The following HUNK variants were observed in gnomAD, a reference collection of about 807,000 sequenced individuals.
HUNK encodes the protein hormonally up-regulated Neu-associated kinase.
Under a neutral mutation model 61.0 loss-of-function variants are expected in HUNK, and 21 were observed. The observed-to-expected ratio is 0.34, with a 90% CI of 0.24 to 0.50. HUNK has a LOEUF of 0.50. Ranked by LOEUF, HUNK falls within the 20% of genes least tolerant of loss-of-function variation. The probability of loss-of-function intolerance (pLI) is 0.98; values close to 1 mark genes in which losing one functional copy is unlikely to be tolerated. For synonymous variants in HUNK, 371 were observed against 386.1 expected (o/e 0.96, Z 0.46); for missense variants, 772 against 945.7 (o/e 0.82, Z 2.41).
At chr21:31,987,977 G>A (rs951859094) in intron 8 of HUNK, among the ~76,000 whole-genome samples, 2 of 152,142 alleles carry the variant, frequency 1.3e-5, no homozygotes, top group African/African-American at 4.8e-5. Context: ...CCCGTGTCCC[G>A]GGCACTGAGT....
At chr21:31,985,481 T>G (rs1035398791) in intron 8 of HUNK, among the ~76,000 whole-genome samples, 13 of 152,112 alleles carry the variant, frequency 8.5e-5, no homozygotes, top group Non-Finnish European at 1.9e-4. Context: ...TGTGCGAATG[T>G]GATGGGAGCT....
chr21:31,947,658 T>A (rs1028210077), intron 4 of HUNK, among the ~76,000 whole-genome samples: 2 of 152,130 alleles, frequency 1.3e-5, no homozygotes, highest in African/African-American at 4.8e-5. Flanking sequence ...ACAATAAATA[T>A]TTGGAGGATG....
chr21:32,000,393 G>A lies in HUNK; in HGVS notation c.*1209G>A, dbSNP rs774039752. ...GTTGTGTTTTCACACCTTTCTCCAA[G>A]GATCGAACCAAAGATGTGTCTCCAG... On this transcript the variant is annotated 3_prime_UTR_variant, in exon 11 of 11. Coordinates refer to ENST00000270112, the MANE Select transcript of HUNK (RefSeq NM_014586.2). 1 of 399,122 alleles carries A rather than the reference G, an allele frequency of 2.5e-6. No individual in the cohort carries two copies. The highest frequency in any genetic ancestry group is 4.4e-6 in the Non-Finnish European group (1 of 226,122). 24.7% of individuals were successfully genotyped at this position (399,122 alleles called of 1,614,324 possible).
intron 1 of HUNK, among the ~76,000 whole-genome samples, chr21:31,905,335 G>C (rs1442835301): frequency 2.0e-5 from 3 of 152,182 alleles, no homozygotes; most frequent in Non-Finnish European, 4.4e-5. Context: ...CTTGATCTCA[G>C]ACTTGTATCC....
At position 31,873,929 on chromosome 21, in the gene HUNK, G is replaced by A. The variant is rs1479485781; in HGVS notation, c.255G>A (p.Gly85=). Residue 85 remains glycine (G), a synonymous_variant, in exon 1 of 11, where the codon GGG becomes GGA. Coordinates refer to ENST00000270112, the MANE Select transcript of HUNK (RefSeq NM_014586.2). The surrounding 1 kb of genome is among the most constrained non-coding windows in gnomAD (Gnocchi z 6.1). ...KVREGLHVLT[G]EKVAIKVIDK... ...GCGAGGGGCTGCACGTGCTGACCGG[G>A]GAGAAGGTGAGTCTCCCGGGCGCCG... is the stretch of plus-strand genomic sequence containing the variant. The A allele has an allele frequency of 2.6e-6, 4 of 1,543,384 alleles. No homozygotes were observed. In the African/African-American group the frequency reaches 4.2e-5, roughly 16 times the overall value.
At chr21:31,901,855 T>C (rs1221667344) in intron 1 of HUNK, among the ~76,000 whole-genome samples, 1 of 152,154 alleles carries the variant, frequency 6.6e-6, no homozygotes, top group African/African-American at 2.4e-5. Flanking sequence ...GTGTTCACAA[T>C]GATCAAATAA....
intron 1 of HUNK, among the ~76,000 whole-genome samples, chr21:31,901,493 A>G (rs114171205): frequency 0.026 from 3,943 of 152,290 alleles, 156 homozygotes; most frequent in African/African-American, 0.09. Flanking sequence ...TGGGCTGAGC[A>G]GGCAGCCTGT....
At chr21:31,974,435 TA>T in intron 6 of HUNK, 119 bp from the exon 7 acceptor site, 1 of 945,986 alleles carries the variant, frequency 1.1e-6, no homozygotes, top group Non-Finnish European at 1.5e-6. Context: ...ATTTTCAAAA[TA>T]AAAACTCAAG....
intron 1 of HUNK, among the ~76,000 whole-genome samples, chr21:31,879,519 C>G (rs571306853): frequency 1.3e-5 from 2 of 152,182 alleles, no homozygotes. Flanking sequence ...TCAAAGGGTG[C>G]TTTGAGTCAG....
At chr21:31,919,323 G>A (rs1354853393) in intron 1 of HUNK, among the ~76,000 whole-genome samples, 1 of 152,220 alleles carries the variant, frequency 6.6e-6, no homozygotes, top group African/African-American at 2.4e-5. Flanking sequence ...AGGAAAGGGA[G>A]GAGGATGGGC....
chr21:31,984,072 G>A (rs1380589906), intron 8 of HUNK, among the ~76,000 whole-genome samples: 1 of 152,168 alleles, frequency 6.6e-6, no homozygotes, highest in African/African-American at 2.4e-5. Flanking sequence ...GGTTATTAGA[G>A]GCTTGGAATG....
At chr21:31,981,636 T>C (rs371074446) in intron 7 of HUNK, among the ~76,000 whole-genome samples, 8 of 152,168 alleles carry the variant, frequency 5.3e-5, no homozygotes, top group East Asian at 3.9e-4. Flanking sequence ...GTGGCATTGC[T>C]TTCTTGATTT....
In HUNK at chr21:31,924,439, T is replaced by A. The variant is rs374827442; in HGVS notation, c.262-29T>A. On this transcript the variant is annotated intron_variant, in intron 1 of 10. Transcript: ENST00000270112. The surrounding 1 kb of genome is among the most constrained non-coding windows in gnomAD (Gnocchi z 5.1). ...CATCGCTATTGTCTGTAATGTCTGA[T>A]AACAGGCATGTTCTTGTTTTCTCCT... The A allele has an allele frequency of 1.3e-6, 2 of 1,599,946 alleles. No individual in the cohort carries two copies. The highest frequency in any genetic ancestry group is 1.7e-4 in the Middle Eastern group (1 of 5,994).
intron 1 of HUNK, among the ~76,000 whole-genome samples, chr21:31,884,002 G>C (rs989847179): frequency 6.6e-6 from 1 of 152,206 alleles, no homozygotes; most frequent in Non-Finnish European, 1.5e-5. Flanking sequence ...GATTGCAAGG[G>C]AGAGGCATGA....
At chr21:31,998,443 G>A in intron 10 of HUNK, 83 bp from the exon 11 acceptor site, 1 of 1,301,318 alleles carries the variant, frequency 7.7e-7, no homozygotes, top group Non-Finnish European at 1.1e-6. Context: ...TCTCAGTTAA[G>A]CTGGAGGTCA....
chr21:31,956,987 C>G (rs2052893848), intron 4 of HUNK, among the ~76,000 whole-genome samples: 1 of 152,148 alleles, frequency 6.6e-6, no homozygotes, highest in African/African-American at 2.4e-5. Context: ...ATCTCTCCAT[C>G]CATACAACCA....
chr21:31,987,707 C>G (rs890983139), intron 8 of HUNK, among the ~76,000 whole-genome samples: 1 of 152,202 alleles, frequency 6.6e-6, no homozygotes, highest in African/African-American at 2.4e-5. Context: ...TGATACTTCT[C>G]TAATTAAATG....
intron 2 of HUNK, among the ~76,000 whole-genome samples, chr21:31,932,958 G>T (rs1291270223): frequency 9.5e-5 from 14 of 148,078 alleles, no homozygotes; most frequent in African/African-American, 3.5e-4. Context: ...AATCCCCCAG[G>T]CTGGAGTGCA....
rs1043192944 is a variant in HUNK, at chr21:32,000,115, A to G, written c.*931A>G. 3.3e-5 allele frequency: 13 copies of G among 398,574 alleles called. No homozygotes were observed. The East Asian group carries it at 3.9e-4, about 12-fold the overall frequency. The allele number at this position is 398,574 out of a possible 1,614,324, so 24.7% of individuals were successfully genotyped here. On this transcript the variant is annotated 3_prime_UTR_variant, in exon 11 of 11. Coordinates refer to ENST00000270112, the MANE Select transcript of HUNK (RefSeq NM_014586.2). ...CCCTGATCCTTCTGGAAGGCATAGA[A>G]CACGGTTACAGCTGGTTCTGTAGAA...
Sources: allele counts gnomAD v4.1 joint callset (sites outside exome capture counted in the v4.1 genomes callset), GRCh38; gene constraint gnomAD v4.1.1; non-coding constraint Gnocchi (gnomAD v3.1); transcripts MANE v1.5; gene names NCBI Gene and HGNC (gene_info 2026-07-23, HGNC 2026-07-21).